BANP: variants seen among roughly 807,000 people sequenced by gnomAD.
BANP encodes the protein BTG3 associated nuclear protein.
Under a neutral mutation model 68.1 loss-of-function variants are expected in BANP, and 11 were observed. That is an observed-to-expected ratio of 0.16 (90% CI 0.10 to 0.27). BANP has a LOEUF of 0.27. BANP is among the 10% of genes least tolerant of loss of function. The pLI, the probability that BANP is intolerant of heterozygous loss-of-function variation, is 1.00. For missense variants in BANP, 504 were observed against 722.7 expected (o/e 0.70, Z 3.47); for synonymous variants, 329 against 303.2 (o/e 1.09, Z -0.88).
At chr16:87,971,541 G>C (rs546189186) in intron 1 of BANP, among the ~76,000 whole-genome samples, 1 of 148,818 alleles carries the variant, frequency 6.7e-6, no homozygotes, top group African/African-American at 2.5e-5. Flanking sequence ...TTTTCTTTCC[G>C]TTATAAGTCA....
At chr16:87,968,764 G>A (rs1255404299) in intron 1 of BANP, among the ~76,000 whole-genome samples, 1 of 152,126 alleles carries the variant, frequency 6.6e-6, no homozygotes, top group Non-Finnish European at 1.5e-5. Context: ...GTTGATCCTA[G>A]CACCAGTGTT....
intron 7 of BANP, among the ~76,000 whole-genome samples, chr16:88,021,053 C>T (rs2075944508): frequency 6.6e-6 from 1 of 152,208 alleles, no homozygotes; most frequent in Non-Finnish European, 1.5e-5. Flanking sequence ...TGCTGAGCTT[C>T]TCCTTGCTTG....
At chr16:87,974,995 C>G in intron 1 of BANP, 53 bp from the exon 2 acceptor site, 2 of 813,174 alleles carry the variant, frequency 2.5e-6, no homozygotes, top group Non-Finnish European at 4.1e-6. Flanking sequence ...TTCATAATTT[C>G]ACGTGTAGCG....
intron 11 of BANP, among the ~76,000 whole-genome samples, chr16:88,049,940 T>C (rs1210476267): frequency 1.3e-5 from 2 of 152,204 alleles, no homozygotes; most frequent in Non-Finnish European, 2.9e-5. Context: ...ACATACAGCA[T>C]AGGAAATGTG....
chr16:87,962,167 G>A (rs552312017), intron 1 of BANP, among the ~76,000 whole-genome samples: 4 of 150,926 alleles, frequency 2.7e-5, no homozygotes, highest in Non-Finnish European at 5.9e-5. Context: ...TTGAACCCGG[G>A]AGGTGGAGGT....
At position 88,071,214 on chromosome 16, in the gene BANP, C is replaced by T. The variant is rs1170601811; in HGVS notation, c.1378-855C>T. The T allele has an allele frequency of 2.9e-6, 1 of 346,592 alleles. No individual in the cohort carries two copies. The highest frequency in any genetic ancestry group is 5.7e-6 in the Non-Finnish European group (1 of 176,170). The allele number at this position is 346,592 out of a possible 1,614,324, so 21.5% of individuals were successfully genotyped here. ...CTGTGTGGAGGTGTGGGATGCATCT[C>T]CTGGCCCTCCCGTAGTGGGGTGCAA... On this transcript the variant is annotated intron_variant, in intron 12 of 13. Transcript: ENST00000682872. The surrounding 1 kb of genome is among the most constrained non-coding windows in gnomAD (Gnocchi z 6.5).
At chr16:87,992,067 G>T (rs2066002000) in intron 4 of BANP, among the ~76,000 whole-genome samples, 1 of 152,180 alleles carries the variant, frequency 6.6e-6, no homozygotes, top group Non-Finnish European at 1.5e-5. Context: ...TTTTTCTCAT[G>T]AATGAATGGA....
At chr16:87,962,646 T>C (rs113036961) in intron 1 of BANP, among the ~76,000 whole-genome samples, 2,869 of 152,306 alleles carry the variant, frequency 0.019, 102 homozygotes, top group African/African-American at 0.065. Flanking sequence ...TTTGAATTTT[T>C]CCTCCCTTTC....
At position 88,007,366 on chromosome 16, in the gene BANP, G is replaced by A. The variant is rs117573432; in HGVS notation, c.655+1101G>A. Among the ~76,000 whole-genome samples, 474 of 152,262 alleles carry A rather than the reference G, an allele frequency of 3.1e-3. 2 individuals are homozygous for A. The highest frequency in any genetic ancestry group is 5.1e-3 in the Non-Finnish European group (349 of 67,998). ...GCCCATTTCCCCCGAGATCTGGAAGGATGTGAAGCTGTTTGTCCTACTTGG... is the reference window on the plus strand; with the variant it reads ...GCCCATTTCCCCCGAGATCTGGAAGAATGTGAAGCTGTTTGTCCTACTTGG... On this transcript the variant is annotated intron_variant, in intron 6 of 13. Transcript: ENST00000682872.
chr16:87,992,627 C>T (rs1403114446), intron 4 of BANP, among the ~76,000 whole-genome samples: 1 of 152,038 alleles, frequency 6.6e-6, no homozygotes, highest in African/African-American at 2.4e-5. Flanking sequence ...AACCCCGTCT[C>T]TACTAAAAAT....
Position 88,035,346 on chromosome 16 carries a change from C to T in BANP, c.1224C>T (p.Ile408=), listed in dbSNP as rs150452536. 1.3e-5 allele frequency: 21 copies of T among 1,611,566 alleles called. No individual in the cohort carries two copies. The highest frequency in any genetic ancestry group is 6.7e-5 in the Admixed American group (4 of 59,882). ...VQVIPQGHLH[I]AQVPQGEQVQ... The stretch of plus-strand genomic sequence containing the variant: ...GGATCCCACAGGGACACCTCCACAT[C>T]GCCCAGGTGCCGCAGGGGGAGCAAG... The change falls in exon 10 of 14, where the codon ATC becomes ATT. Residue 408 remains isoleucine (I), a synonymous_variant. Transcript: ENST00000682872.
At chr16:87,974,936 C>G (rs964205933) in intron 1 of BANP, 112 bp from the exon 2 acceptor site, 8 of 587,806 alleles carry the variant, frequency 1.4e-5, no homozygotes, top group Non-Finnish European at 2.5e-5. Context: ...GCATGTAAAA[C>G]TCCACAGACG....
At chr16:87,961,661 G>A (rs2059179657) in intron 1 of BANP, among the ~76,000 whole-genome samples, 1 of 152,202 alleles carries the variant, frequency 6.6e-6, no homozygotes, top group African/African-American at 2.4e-5. Flanking sequence ...CATAAAACAT[G>A]TTTTGTATGT....
intron 4 of BANP, among the ~76,000 whole-genome samples, chr16:87,997,150 G>C (rs780778685): frequency 6.6e-6 from 1 of 152,112 alleles, no homozygotes; most frequent in African/African-American, 2.4e-5. Flanking sequence ...GTAGAAATGG[G>C]GTCTCACTGT....
chr16:87,976,617 A>T (rs900789228), intron 2 of BANP, among the ~76,000 whole-genome samples: 1 of 152,034 alleles, frequency 6.6e-6, no homozygotes, highest in Non-Finnish European at 1.5e-5. Flanking sequence ...AATGCTCACA[A>T]TTTATTCCCC....
chr16:87,995,201 G>A (rs184905750), intron 4 of BANP, among the ~76,000 whole-genome samples: 40 of 152,394 alleles, frequency 2.6e-4, no homozygotes, highest in African/African-American at 9.1e-4. Flanking sequence ...CAGTCTGGAT[G>A]TGCGGGGGCT....
rs763698631 is a variant in BANP at position 88,072,274 on chromosome 16, C to T, written c.1521+62C>T. ...TGGCATGGCCGCCTGCCGCTGCCAC[C>T]GGGCACACGTGGCCCCGGGGCTTTC... On this transcript the variant is annotated intron_variant, in intron 13 of 13. Coordinates refer to ENST00000682872, the MANE Select transcript of BANP (RefSeq NM_001386991.1). 3.4e-5 allele frequency: 53 copies of T among 1,542,690 alleles called. No individual in the cohort carries two copies. The Middle Eastern group carries it at 7.2e-4, about 21-fold the overall frequency.
chr16:88,070,591 CA>C (rs1432653725), intron 12 of BANP, among the ~76,000 whole-genome samples: 2 of 152,052 alleles, frequency 1.3e-5, no homozygotes, highest in African/African-American at 2.4e-5. Flanking sequence ...TGCAAAGGAC[CA>C]GGGGGGATGG....
intron 7 of BANP, among the ~76,000 whole-genome samples, chr16:88,023,283 T>G (rs538126420): frequency 1.3e-5 from 2 of 152,172 alleles, no homozygotes; most frequent in East Asian, 3.9e-4. Flanking sequence ...TGTGAGGGGC[T>G]CTCTGGCTAA....
Sources: gnomAD v4.1 joint callset for allele counts (sites outside exome capture counted in the v4.1 genomes callset) on GRCh38, gnomAD v4.1.1 for gene constraint, Gnocchi (gnomAD v3.1) non-coding constraint, MANE v1.5 for transcripts, NCBI Gene and HGNC (gene_info 2026-07-23, HGNC 2026-07-21) for gene names.